RAD54B: variants seen among roughly 807,000 people sequenced by gnomAD.
The protein encoded by RAD54B is DNA repair and recombination protein RAD54B.
In RAD54B, 78 loss-of-function variants were observed where a neutral mutation model predicts 95.8. The ratio of observed to expected loss-of-function variants is 0.81; its 90% CI spans 0.68 to 0.98. RAD54B has a LOEUF of 0.98. Ranked by LOEUF, RAD54B falls within the 50% of genes least tolerant of loss-of-function variation. The pLI, the probability that RAD54B is intolerant of heterozygous loss-of-function variation, is 0.00. For synonymous variants in RAD54B, 328 were observed against 354.9 expected (o/e 0.92, Z 0.85); for missense variants, 957 against 1,056.6 (o/e 0.91, Z 1.31).
In RAD54B at chr8:94,411,309, G is replaced by A. The variant is rs780128897; in HGVS notation, c.311C>T (p.Ser104Leu). 46 of 1,554,922 alleles carry A rather than the reference G, an allele frequency of 3.0e-5. No homozygotes were observed. The highest frequency in any genetic ancestry group is 7.0e-5 in the African/African-American group (5 of 71,004). ...ATLDPPHTVH[S>L]APKEVAVSKE... ...GGACACTGCTACTTCTTTAGGAGCC[G>A]AATGAACTACAATTAAAAAAAAAAC... is the stretch of plus-strand genomic sequence containing the variant. The change falls in exon 4 of 15, where the codon TCG becomes TTG. Residue 104 changes from serine to leucine, a missense_variant. Coordinates refer to ENST00000336148, the MANE Select transcript of RAD54B (RefSeq NM_012415.3).
intron 3 of RAD54B, among the ~76,000 whole-genome samples, chr8:94,423,575 AT>A (rs754941785): frequency 2.6e-4 from 39 of 152,196 alleles, no homozygotes; most frequent in Non-Finnish European, 4.6e-4. Context: ...ACAGCTAAAT[AT>A]TATCAGGATC....
At chr8:94,378,101 T>C in intron 14 of RAD54B, 79 bp downstream of exon 14, 1 of 1,126,442 alleles carries the variant, frequency 8.9e-7, no homozygotes, top group Non-Finnish European at 1.2e-6. Flanking sequence ...ATTATAAAGT[T>C]ATTCTTTAAA....
At chr8:94,474,690 C>T (rs1813255068) in intron 1 of RAD54B, among the ~76,000 whole-genome samples, 1 of 152,136 alleles carries the variant, frequency 6.6e-6, no homozygotes, top group Non-Finnish European at 1.5e-5. Context: ...ACCCAAAAGC[C>T]AAGAGGAGCC....
intron 3 of RAD54B, among the ~76,000 whole-genome samples, chr8:94,427,002 T>G (rs777884996): frequency 2.6e-5 from 4 of 152,166 alleles, no homozygotes; most frequent in African/African-American, 9.6e-5. Flanking sequence ...TGAAGCCAAG[T>G]ATAGCAAAAC....
intron 6 of RAD54B, 138 bp from the exon 7 acceptor site, chr8:94,400,601 C>A (rs1811246673): frequency 1.6e-6 from 1 of 636,240 alleles, no homozygotes; most frequent in Non-Finnish European, 2.6e-6. Flanking sequence ...TACAACACAT[C>A]TTTTGCATCT....
intron 1 of RAD54B, among the ~76,000 whole-genome samples, chr8:94,470,645 C>A (rs1418609879): frequency 6.6e-6 from 1 of 151,578 alleles, no homozygotes; most frequent in Non-Finnish European, 1.5e-5. Flanking sequence ...GTAATCCCAG[C>A]TACTCAGGAG....
chr8:94,444,474 A>G (rs1469491992), intron 3 of RAD54B, among the ~76,000 whole-genome samples: 1 of 152,106 alleles, frequency 6.6e-6, no homozygotes, highest in Non-Finnish European at 1.5e-5. Context: ...TATACTTTGC[A>G]GCAATTAAAA....
At chr8:94,411,000 G>T in intron 4 of RAD54B, 121 bp downstream of exon 4, 1 of 698,858 alleles carries the variant, frequency 1.4e-6, no homozygotes, top group Non-Finnish European at 2.4e-6. Context: ...GTTGAGGCAT[G>T]AACATCCATT....
intron 3 of RAD54B, chr8:94,431,128 A>C: frequency 1.1e-6 from 1 of 942,866 alleles, no homozygotes; most frequent in Non-Finnish European, 1.3e-6. Flanking sequence ...GATTTAATAT[A>C]AATTTAATAT....
intron 1 of RAD54B, chr8:94,467,845 T>C (rs1813068982): frequency 4.3e-6 from 1 of 231,088 alleles, no homozygotes; most frequent in Non-Finnish European, 8.4e-6. Context: ...CTCTAGAAAC[T>C]AAAGGTAACA....
intron 3 of RAD54B, chr8:94,428,703 A>C (rs757354607): frequency 3.3e-6 from 3 of 912,102 alleles, no homozygotes; most frequent in Non-Finnish European, 3.9e-6. Context: ...CAATCTGCAG[A>C]TGTGAAACCT....
intron 3 of RAD54B, among the ~76,000 whole-genome samples, chr8:94,418,360 G>GT (rs1485241925): frequency 6.6e-6 from 1 of 152,162 alleles, no homozygotes; most frequent in African/African-American, 2.4e-5. Context: ...ACGAAAGGTT[G>GT]TATCAATGAT....
Position 94,391,636 on chromosome 8 carries a change from G to A in RAD54B, c.1782C>T (p.His594=). 6.2e-7 allele frequency: 1 copy of A among 1,613,732 alleles called. No homozygotes were observed. The highest frequency in any genetic ancestry group is 8.5e-7 in the Non-Finnish European group (1 of 1,179,928). ...TTATAGAGTTGAACAAAAGGCAGGG[G>A]TGATTGCACAGTTTTTTAAGAGCTC... The part of the protein sequence containing the change: ...CIGALKKLCN[H]PCLLFNSIKE... Residue 594 remains histidine, a synonymous_variant, in exon 10 of 15, where the codon CAC becomes CAT. Coordinates refer to ENST00000336148, the MANE Select transcript of RAD54B (RefSeq NM_012415.3).
rs756687014 is a variant in RAD54B at position 94,372,173 on chromosome 8, T to A, written c.2730A>T (p.Thr910=). The A allele has an allele frequency of 1.3e-6, 2 of 1,598,486 alleles. No homozygotes were observed. Among genetic ancestry groups the A allele is most frequent in the East Asian group, 2.2e-5 (1 of 44,672 alleles). The change falls in exon 15 of 15, where the codon ACA becomes ACT. Residue 910 remains threonine, a synonymous_variant. Transcript: ENST00000336148. ...GAATGTCAGAAGTAATCTTTCACTA[T>A]GTGCCAGTAGCTTGAGTGGTTATAT... The part of the protein sequence containing the change: ...FQNITTQATG[T]
At position 94,387,042 on chromosome 8, in the gene RAD54B, T is replaced by C; in HGVS notation, c.1927A>G (p.Lys643Glu). 1 of 1,613,590 alleles carries C rather than the reference T, an allele frequency of 6.2e-7. No homozygotes were observed. The highest frequency in any genetic ancestry group is 8.5e-7 in the Non-Finnish European group (1 of 1,179,812). ...AAGAGCTTGGACAACACCTGTAGTT[T>C]TCCTGACTCCTTTTCAGTAAACAGG... The part of the protein sequence containing the change: ...PLLFTEKESG[K>E]LQVLSKLLAV... The change falls in exon 11 of 15, where the codon AAA (lysine) becomes GAA (glutamate). Residue 643 changes from lysine (K) to glutamate (E), a missense_variant. Coordinates refer to ENST00000336148, the MANE Select transcript of RAD54B (RefSeq NM_012415.3).
At position 94,400,476 on chromosome 8, in the gene RAD54B, AT is replaced by A. The variant is rs1393022060; in HGVS notation, c.945-14del. On this transcript the variant is annotated splice_polypyrimidine_tract_variant and intron_variant, in intron 6 of 14. Transcript: ENST00000336148. The stretch of plus-strand genomic sequence containing the variant: ...TCTGCCATTCATTCTGTTAGAAATA[AT>A]TTTACTTCCTTTAATCACAATAGAA... The A allele has an allele frequency of 6.3e-7, 1 of 1,583,600 alleles. No individual in the cohort carries two copies. The highest frequency in any genetic ancestry group is 1.8e-5 in the Admixed American group (1 of 56,730).
At chr8:94,384,589 T>C (rs995896520) in intron 11 of RAD54B, among the ~76,000 whole-genome samples, 3 of 152,170 alleles carry the variant, frequency 2.0e-5, no homozygotes, top group East Asian at 1.9e-4. Context: ...GTTCTGAACA[T>C]TGGTTGCACC....
At position 94,448,299 on chromosome 8, in the gene RAD54B, C is replaced by T. The variant is rs544728764; in HGVS notation, c.304+9969G>A. On this transcript the variant is annotated intron_variant, in intron 3 of 14. Coordinates refer to ENST00000336148, the MANE Select transcript of RAD54B (RefSeq NM_012415.3). Reference sequence around the variant, plus strand: ...GCAAGATCCTGTCTCCTCCGCCCCACTCCCCCACCAAAAAGAAACAGGAGA... The same window carrying T: ...GCAAGATCCTGTCTCCTCCGCCCCATTCCCCCACCAAAAAGAAACAGGAGA... Among the ~76,000 whole-genome samples, 7 of 152,192 alleles carry T rather than the reference C, an allele frequency of 4.6e-5. No homozygotes were observed. The South Asian group carries it at 1.2e-3, about 27-fold the overall frequency.
intron 3 of RAD54B, among the ~76,000 whole-genome samples, chr8:94,416,970 T>A (rs180685885): frequency 1.3e-5 from 2 of 152,098 alleles, no homozygotes; most frequent in Non-Finnish European, 2.9e-5. Flanking sequence ...AGCCGACAGG[T>A]AGAAACAACC....
Sources: allele counts gnomAD v4.1 joint callset (sites outside exome capture counted in the v4.1 genomes callset), GRCh38; gene constraint gnomAD v4.1.1; transcripts MANE v1.5; gene names NCBI Gene and HGNC (gene_info 2026-07-23, HGNC 2026-07-21).